The following ANKRD36C variants were observed in gnomAD, a reference collection of about 807,000 sequenced individuals.
ANKRD36C encodes the protein ankyrin repeat domain 36C, also known as ankyrin repeat domain-containing protein 36C.
In ANKRD36C, 61 loss-of-function variants were observed where a neutral mutation model predicts 276.4. That is an observed-to-expected ratio of 0.22 (90% CI 0.18 to 0.27). ANKRD36C has a LOEUF of 0.27. Ranked by LOEUF, ANKRD36C falls within the 10% of genes least tolerant of loss-of-function variation. The pLI is 1.00. For missense variants in ANKRD36C, 1,447 were observed against 2,032.3 expected (o/e 0.71, Z 5.54); for synonymous variants, 483 against 680.1 (o/e 0.71, Z 4.51).
chr2:95,953,316 A>G (rs80118873), intron 14 of ANKRD36C, among the ~76,000 whole-genome samples: 711 of 134,106 alleles, frequency 5.3e-3, no homozygotes, highest in Non-Finnish European at 8.7e-3. Flanking sequence ...AATTCTCCTG[A>G]CTTGATCTCT....
At chr2:95,959,532 A>C (rs1177625388) in intron 10 of ANKRD36C, among the ~76,000 whole-genome samples, 1 of 152,220 alleles carries the variant, frequency 6.6e-6, no homozygotes, top group Non-Finnish European at 1.5e-5. Context: ...AGTTACTGAA[A>C]GCATTAGATA....
At chr2:95,982,123 A>T in intron 4 of ANKRD36C, 133 bp downstream of exon 4, 1 of 688,518 alleles carries the variant, frequency 1.5e-6, no homozygotes, top group Non-Finnish European at 2.4e-6. Context: ...ATCTGTGTTG[A>T]TATTTCTCAC....
At chr2:95,934,250 T>C (rs1188123242) in intron 24 of ANKRD36C, among the ~76,000 whole-genome samples, 1 of 152,080 alleles carries the variant, frequency 6.6e-6, no homozygotes, top group African/African-American at 2.4e-5. Flanking sequence ...ATCCCATTAC[T>C]GAATACATAC....
Position 95,891,568 on chromosome 2 carries a change from T to C in ANKRD36C, c.2857+97A>G, listed in dbSNP as rs1268824510. On this transcript the variant is annotated intron_variant, in intron 46 of 66. Coordinates refer to ENST00000456556, the Ensembl canonical transcript of ANKRD36C. Reference sequence around the variant, plus strand: ...GAATCTCAGGACTGCTGTATCAGAATGTGCAGCTTCAACGAACCCCCCGCT... The same window carrying C: ...GAATCTCAGGACTGCTGTATCAGAACGTGCAGCTTCAACGAACCCCCCGCT... The C allele has an allele frequency of 5.0e-6, 7 of 1,389,856 alleles. No individual in the cohort carries two copies. In the African/African-American group the frequency reaches 1.0e-4, roughly 20 times the overall value. 86.1% of individuals were successfully genotyped at this position (1,389,856 alleles called of 1,614,324 possible). A position where few individuals can be genotyped will look rare whatever the true frequency, so the allele number is the denominator to read the frequency against.
chr2:95,973,125 A>G (rs1233251891), intron 6 of ANKRD36C, among the ~76,000 whole-genome samples: 1 of 151,870 alleles, frequency 6.6e-6, no homozygotes, highest in African/African-American at 2.4e-5. Context: ...TCTAAAATGT[A>G]TTAGTAGGCT....
chr2:95,916,187 G>T lies in ANKRD36C; in HGVS notation c.2348-16C>A. On this transcript the variant is annotated splice_polypyrimidine_tract_variant and intron_variant, in intron 36 of 66. Transcript: ENST00000456556. ...CGAGAAGACACTGAAAAGCAAAAGG[G>T]ACACGTAATCACTCACTCGTAAATA... is the stretch of plus-strand genomic sequence containing the variant. The T allele has an allele frequency of 6.2e-7, 1 of 1,603,698 alleles. No individual in the cohort carries two copies.
intron 40 of ANKRD36C, among the ~76,000 whole-genome samples, chr2:95,912,784 G>C (rs1417923589): frequency 6.6e-6 from 1 of 151,432 alleles, no homozygotes; most frequent in Non-Finnish European, 1.5e-5. Flanking sequence ...TGTCAGAACA[G>C]GTGCTATATG....
At chr2:95,911,281 T>C (rs1676915218) in intron 42 of ANKRD36C, among the ~76,000 whole-genome samples, 1 of 151,638 alleles carries the variant, frequency 6.6e-6, no homozygotes, top group East Asian at 2.0e-4. Flanking sequence ...TTATCAATTT[T>C]GACATATTTC....
At chr2:95,908,512 T>A in intron 42 of ANKRD36C, 1 of 1,534,130 alleles carries the variant, frequency 6.5e-7, no homozygotes, top group Non-Finnish European at 8.8e-7. Flanking sequence ...CTCTCCTAGT[T>A]TTTTCTCCAT....
chr2:95,883,495 T>A (rs966230617), intron 54 of ANKRD36C, among the ~76,000 whole-genome samples: 1 of 152,100 alleles, frequency 6.6e-6, no homozygotes, highest in African/African-American at 2.4e-5. Context: ...ACAAAACATA[T>A]ATCTCTGATG....
chr2:95,961,456 C>T (rs368330928), intron 8 of ANKRD36C, among the ~76,000 whole-genome samples: 3 of 151,830 alleles, frequency 2.0e-5, no homozygotes, highest in Non-Finnish European at 4.4e-5. Flanking sequence ...AAAATGCTCT[C>T]ATATTCATTG....
chr2:95,929,211 T>A, intron 25 of ANKRD36C, 28 bp downstream of exon 25: 2 of 1,594,690 alleles, frequency 1.3e-6, no homozygotes, highest in Non-Finnish European at 8.5e-7. Flanking sequence ...CAGTTAATAG[T>A]TCAACATATA....
chr2:95,858,590 A>G (rs1410284684), intron 61 of ANKRD36C, among the ~76,000 whole-genome samples: 1 of 152,204 alleles, frequency 6.6e-6, no homozygotes, highest in Non-Finnish European at 1.5e-5. Flanking sequence ...AATTAACATA[A>G]AGTTACTTTT....
At position 95,891,579 on chromosome 2, in the gene ANKRD36C, A is replaced by G. The variant is rs1182237692; in HGVS notation, c.2857+86T>C. ...CTGCTGTATCAGAATGTGCAGCTTC[A>G]ACGAACCCCCCGCTGATTTATTCAG... On this transcript the variant is annotated intron_variant, in intron 46 of 66. Transcript: ENST00000456556. The G allele has an allele frequency of 5.5e-6, 8 of 1,458,800 alleles. No homozygotes were observed. The African/African-American group carries it at 1.1e-4, about 21-fold the overall frequency. 90.4% of individuals were successfully genotyped at this position (1,458,800 alleles called of 1,614,324 possible).
rs544620922 is a variant in ANKRD36C at position 95,883,174 on chromosome 2, T to C, written c.3266-677A>G. 4.6e-5 allele frequency among the ~76,000 whole-genome samples: 7 copies of C among 152,210 alleles called. No homozygotes were observed. In the East Asian group the frequency reaches 5.8e-4, roughly 13 times the overall value. The stretch of plus-strand genomic sequence containing the variant: ...CCACTCATGGCAACAAAGTATAATA[T>C]ATAAACCATATCAAAAAGTATAATA... On this transcript the variant is annotated intron_variant, in intron 54 of 66. Coordinates refer to ENST00000456556, the Ensembl canonical transcript of ANKRD36C.
chr2:95,975,988 A>T (rs1401699444), intron 6 of ANKRD36C, among the ~76,000 whole-genome samples: 2 of 152,220 alleles, frequency 1.3e-5, no homozygotes, highest in African/African-American at 2.4e-5. Context: ...GACACTTCTC[A>T]AAAGAAGACA....
At chr2:95,883,145 T>A (rs1225588581) in intron 54 of ANKRD36C, among the ~76,000 whole-genome samples, 5 of 152,096 alleles carry the variant, frequency 3.3e-5, no homozygotes, top group Non-Finnish European at 5.9e-5. Context: ...GAAAGGTTCT[T>A]CATCCACTCA....
chr2:95,964,597 G>A (rs557137875), intron 6 of ANKRD36C, among the ~76,000 whole-genome samples: 8 of 152,100 alleles, frequency 5.3e-5, no homozygotes, highest in East Asian at 1.9e-4. Flanking sequence ...CTTGACTAAC[G>A]TGTACAAATT....
chr2:95,979,259 A>G (rs1418497371), intron 5 of ANKRD36C, among the ~76,000 whole-genome samples: 1 of 152,026 alleles, frequency 6.6e-6, no homozygotes, highest in African/African-American at 2.4e-5. Context: ...TAGCCAGCAA[A>G]CAGTCAAATG....
Sources: allele counts gnomAD v4.1 joint callset (sites outside exome capture counted in the v4.1 genomes callset), GRCh38; gene constraint gnomAD v4.1.1; transcripts MANE v1.5; gene names NCBI Gene and HGNC (gene_info 2026-07-23, HGNC 2026-07-21).